Variants in MACROD2 observed in about 807,000 individuals in gnomAD.
MACROD2 encodes mono-ADP ribosylhydrolase 2, also known as ADP-ribose glycohydrolase MACROD2.
A neutral mutation model predicts 70.4 loss-of-function variants in MACROD2; 36 were observed. The ratio of observed to expected loss-of-function variants is 0.51; its 90% confidence interval spans 0.39 to 0.68. The LOEUF (loss-of-function observed/expected upper bound fraction) is 0.68. MACROD2 is among the 30% of genes least tolerant of loss of function. The pLI, the probability that MACROD2 is intolerant of heterozygous loss-of-function variation, is 0.00. For missense variants in MACROD2, 496 were observed against 538.4 expected, an observed-to-expected ratio of 0.92 and a Z score of 0.78; for synonymous variants, 172 against 178.8, an observed-to-expected ratio of 0.96 and a Z score of 0.30.
intron 6 of MACROD2, among the ~76,000 whole-genome samples, chr20:15,270,863 C>A (rs1412847035): frequency 6.6e-6 from 1 of 152,184 alleles, no homozygotes; most frequent in Non-Finnish European, 1.5e-5. Flanking sequence ...GAGCATGCCT[C>A]CTCTGTGCAG....
chr20:14,767,704 A>G (rs1234946319), intron 5 of MACROD2, among the ~76,000 whole-genome samples: 1 of 151,736 alleles, frequency 6.6e-6, no homozygotes, highest in Non-Finnish European at 1.5e-5. Flanking sequence ...GGTTTGTCAC[A>G]TAGGTATACA....
At chr20:14,805,829 G>A (rs373586648) in intron 5 of MACROD2, among the ~76,000 whole-genome samples, 9 of 151,972 alleles carry the variant, frequency 5.9e-5, no homozygotes, top group African/African-American at 1.9e-4. Context: ...CCTAGCAAGT[G>A]TTTGCTACCC....
chr20:15,797,601 A>C (rs1477469557), intron 8 of MACROD2, among the ~76,000 whole-genome samples: 2 of 152,222 alleles, frequency 1.3e-5, no homozygotes, highest in African/African-American at 4.8e-5. Flanking sequence ...ATGGGCTAAA[A>C]CTGTCATGTA....
chr20:14,687,947 T>G (rs1053512428), intron 5 of MACROD2, among the ~76,000 whole-genome samples: 6 of 152,206 alleles, frequency 3.9e-5, no homozygotes, highest in Non-Finnish European at 7.3e-5. Flanking sequence ...GCCCTTATAT[T>G]TAAAATTATG....
chr20:15,447,422 A>G (rs2046583748), intron 7 of MACROD2, among the ~76,000 whole-genome samples: 1 of 152,112 alleles, frequency 6.6e-6, no homozygotes, highest in African/African-American at 2.4e-5. Flanking sequence ...CACACGTTCT[A>G]TCTCAAGTGA....
At chr20:15,674,505 T>G (rs571395164) in intron 8 of MACROD2, among the ~76,000 whole-genome samples, 1 of 152,186 alleles carries the variant, frequency 6.6e-6, no homozygotes, top group African/African-American at 2.4e-5. Flanking sequence ...TAAGCCATTC[T>G]TCTCCTTGAC....
chr20:15,898,192 C>T (rs2065003138), intron 10 of MACROD2, among the ~76,000 whole-genome samples: 1 of 152,120 alleles, frequency 6.6e-6, no homozygotes, highest in Non-Finnish European at 1.5e-5. Flanking sequence ...CCCCTCCATG[C>T]CTCACACGTG....
intron 5 of MACROD2, among the ~76,000 whole-genome samples, chr20:15,079,716 T>C (rs1235280650): frequency 6.6e-6 from 1 of 152,064 alleles, no homozygotes; most frequent in African/African-American, 2.4e-5. Flanking sequence ...AAGTCCTCCT[T>C]TCTGCCTGCT....
intron 3 of MACROD2, among the ~76,000 whole-genome samples, chr20:14,104,664 A>G (rs1286902655): frequency 6.6e-6 from 1 of 152,282 alleles, no homozygotes; most frequent in East Asian, 1.9e-4. Flanking sequence ...CTAAGATGAG[A>G]GTGGGGATCC....
At chr20:14,419,055 T>G (rs57865424) in intron 3 of MACROD2, among the ~76,000 whole-genome samples, 47,730 of 148,284 alleles carry the variant, frequency 0.32, 8,314 homozygotes, top group South Asian at 0.6. Flanking sequence ...TTTTTTTTGT[T>G]TTGTTTTTTG....
At chr20:14,311,562 G>T (rs1426606930) in intron 3 of MACROD2, among the ~76,000 whole-genome samples, 1 of 152,134 alleles carries the variant, frequency 6.6e-6, no homozygotes, top group Admixed American at 6.5e-5. Context: ...CCGTCACCCA[G>T]GCTGGAGTGC....
chr20:14,374,538 G>A (rs1347927892), intron 3 of MACROD2, among the ~76,000 whole-genome samples: 1 of 152,008 alleles, frequency 6.6e-6, no homozygotes, highest in Non-Finnish European at 1.5e-5. Context: ...TATGGCAAAG[G>A]TATTCTTCAG....
rs1294789588 is a variant in MACROD2, at chr20:15,772,098, AAAAATATATATATATAT to A, written c.646-90645_646-90629del. ...AGACTCGGTCTCAAAAAAAAAAAAAAAAAATATATATATATATATATATATATATATTTCTTTTGTAT... is the reference window on the plus strand; with the variant it reads ...AGACTCGGTCTCAAAAAAAAAAAAAAATATATATATATATTTCTTTTGTAT... On this transcript the variant is annotated intron_variant, in intron 8 of 17. Coordinates refer to ENST00000684519, the MANE Select transcript of MACROD2 (RefSeq NM_001351661.2). 3.4e-3 allele frequency among the ~76,000 whole-genome samples: 323 copies of A among 95,906 alleles called. 4 individuals carry two copies. Among genetic ancestry groups the A allele is most frequent in the African/African-American group, 0.016 (316 of 20,372 alleles). The allele number at this position is 95,906 out of a possible 152,430, so 62.9% of individuals were successfully genotyped here.
chr20:14,493,138 T>A (rs906117828), intron 3 of MACROD2, among the ~76,000 whole-genome samples: 1 of 152,026 alleles, frequency 6.6e-6, no homozygotes, highest in Non-Finnish European at 1.5e-5. Flanking sequence ...GACTAAATAA[T>A]ATTGTTCTAT....
intron 5 of MACROD2, among the ~76,000 whole-genome samples, chr20:14,969,161 T>TTATATA (rs150798380): frequency 1.9e-4 from 28 of 147,664 alleles, no homozygotes; most frequent in African/African-American, 6.5e-4. Flanking sequence ...TATCTCCAGT[T>TTATATA]TATATATATA....
intron 4 of MACROD2, among the ~76,000 whole-genome samples, chr20:14,619,639 C>T (rs534158093): frequency 3.4e-4 from 51 of 151,934 alleles, no homozygotes; most frequent in Admixed American, 2.8e-3. Flanking sequence ...TTTTGTCACC[C>T]ATTTGTATTC....
chr20:14,409,293 G>C (rs1055729188), intron 3 of MACROD2, among the ~76,000 whole-genome samples: 4 of 151,824 alleles, frequency 2.6e-5, no homozygotes, highest in Non-Finnish European at 5.9e-5. Flanking sequence ...ATTCAGCTTT[G>C]ACTTCTGTGA....
intron 4 of MACROD2, among the ~76,000 whole-genome samples, chr20:14,679,013 T>C (rs2070896872): frequency 6.6e-6 from 1 of 151,882 alleles, no homozygotes; most frequent in African/African-American, 2.4e-5. Flanking sequence ...ATCAACTGTA[T>C]TAAGCAGTTA....
chr20:15,227,523 T>G (rs1256234961), intron 5 of MACROD2, among the ~76,000 whole-genome samples: 1 of 152,194 alleles, frequency 6.6e-6, no homozygotes, highest in Non-Finnish European at 1.5e-5. Flanking sequence ...CCCGTTGTTC[T>G]TTCATGTATT....
Sources: gnomAD v4.1 joint callset for allele counts (sites outside exome capture counted in the v4.1 genomes callset) on GRCh38, gnomAD v4.1.1 for gene constraint, MANE v1.5 for transcripts, NCBI Gene and HGNC (gene_info 2026-07-23, HGNC 2026-07-21) for gene names.